Variants in LRP1B observed in about 807,000 individuals in gnomAD.
The protein encoded by LRP1B is low-density lipoprotein receptor-related protein 1B.
LRP1B carries 217 observed loss-of-function variants against 556.6 expected under a neutral mutation model. The observed-to-expected ratio is 0.39, with a 90% confidence interval of 0.35 to 0.44. LRP1B has a LOEUF of 0.44. Among genes scored for constraint, LRP1B ranks in the 20% least tolerant of loss-of-function variants. The pLI is 1.00. For synonymous variants in LRP1B, 2,047 were observed against 1,865.8 expected, an observed-to-expected ratio of 1.10 and a Z score of -2.50; for missense variants, 5,053 against 5,620.8, an observed-to-expected ratio of 0.90 and a Z score of 3.23.
intron 47 of LRP1B, among the ~76,000 whole-genome samples, chr2:140,528,035 T>C (rs1490775953): frequency 1.3e-5 from 2 of 151,870 alleles, no homozygotes; most frequent in South Asian, 2.1e-4. Flanking sequence ...AAGATACTAA[T>C]AGGGACACTT....
chr2:140,969,534 A>G (rs1696342774), intron 18 of LRP1B, among the ~76,000 whole-genome samples: 1 of 152,086 alleles, frequency 6.6e-6, no homozygotes, highest in South Asian at 2.1e-4. Flanking sequence ...TTTAAGGTTA[A>G]TATTGTTATG....
At chr2:141,910,591 A>G (rs754903480) in intron 1 of LRP1B, among the ~76,000 whole-genome samples, 2 of 152,064 alleles carry the variant, frequency 1.3e-5, no homozygotes, top group Admixed American at 6.6e-5. Context: ...AAAAAACAAC[A>G]CTGGAATTGC....
chr2:141,563,077 C>A (rs531321258), intron 2 of LRP1B, among the ~76,000 whole-genome samples: 4 of 151,966 alleles, frequency 2.6e-5, no homozygotes, highest in African/African-American at 7.2e-5. Flanking sequence ...TGGAGAGAAG[C>A]TAAAGATGGT....
At chr2:140,362,454 G>A (rs1207275373) in intron 72 of LRP1B, among the ~76,000 whole-genome samples, 3 of 151,576 alleles carry the variant, frequency 2.0e-5, no homozygotes, top group Non-Finnish European at 4.4e-5. Context: ...TTTATATGTT[G>A]AAAATATTTT....
At chr2:141,399,072 A>C (rs1392209910) in intron 3 of LRP1B, among the ~76,000 whole-genome samples, 1 of 152,124 alleles carries the variant, frequency 6.6e-6, no homozygotes, top group Non-Finnish European at 1.5e-5. Flanking sequence ...TCTGTCCAAC[A>C]TGGTGAAACC....
intron 1 of LRP1B, among the ~76,000 whole-genome samples, chr2:141,877,072 T>G (rs1698789747): frequency 6.6e-6 from 1 of 152,026 alleles, no homozygotes; most frequent in Admixed American, 6.6e-5. Flanking sequence ...TTAGTATTAT[T>G]TAATGTTGCA....
intron 1 of LRP1B, among the ~76,000 whole-genome samples, chr2:141,865,346 A>T (rs1399966303): frequency 6.6e-6 from 1 of 152,066 alleles, no homozygotes; most frequent in South Asian, 2.1e-4. Context: ...TAATCCCAGC[A>T]CTTTGGGAGG....
chr2:141,156,591 G>A (rs971449860), intron 7 of LRP1B, among the ~76,000 whole-genome samples: 7 of 150,766 alleles, frequency 4.6e-5, no homozygotes, highest in Middle Eastern at 3.4e-3. Context: ...TCACATCATT[G>A]CACTCCATCC....
At chr2:140,881,690 C>T (rs28515910) in intron 25 of LRP1B, among the ~76,000 whole-genome samples, 2,125 of 152,090 alleles carry the variant, frequency 0.014, 24 homozygotes, top group Middle Eastern at 0.034. Flanking sequence ...CTTAATTAGC[C>T]TCACTGTTTC....
Position 141,751,930 on chromosome 2 carries a change from A to T in LRP1B, c.205+58349T>A, listed in dbSNP as rs182772524. The stretch of plus-strand genomic sequence containing the variant: ...TTGTTTCAAATTAACTTTTATATTT[A>T]GAACATGGTCATCTCTGTTCCAACA... On this transcript the variant is annotated intron_variant, in intron 2 of 90. Transcript: ENST00000389484. Among the ~76,000 whole-genome samples, 58 of 151,362 alleles carry T rather than the reference A, an allele frequency of 3.8e-4. 1 individual carries two copies. Among genetic ancestry groups the T allele is most frequent in the Middle Eastern group, 3.4e-3 (1 of 294 alleles).
chr2:141,166,359 C>A (rs1423142878), intron 7 of LRP1B, among the ~76,000 whole-genome samples: 1 of 142,836 alleles, frequency 7.0e-6, no homozygotes, highest in African/African-American at 2.5e-5. Flanking sequence ...AACATCTTCT[C>A]TCTCATTCTT....
intron 7 of LRP1B, among the ~76,000 whole-genome samples, chr2:141,114,061 GGA>G (rs1263421770): frequency 6.6e-6 from 1 of 152,216 alleles, no homozygotes; most frequent in Non-Finnish European, 1.5e-5. Flanking sequence ...TGGTGAAGCA[GGA>G]GAATTCACTG....
intron 23 of LRP1B, among the ~76,000 whole-genome samples, chr2:140,889,835 T>C (rs1287247049): frequency 6.6e-6 from 1 of 152,218 alleles, no homozygotes; most frequent in African/African-American, 2.4e-5. Context: ...TGGTAGTTTG[T>C]ATTTCTACAA....
At chr2:141,090,124 A>G (rs1323297094) in intron 7 of LRP1B, among the ~76,000 whole-genome samples, 1 of 152,222 alleles carries the variant, frequency 6.6e-6, no homozygotes, top group Admixed American at 6.5e-5. Context: ...ATGTTGGCCA[A>G]GAACCCAACA....
chr2:141,004,529 G>T (rs181909674), intron 15 of LRP1B, among the ~76,000 whole-genome samples: 1 of 152,088 alleles, frequency 6.6e-6, no homozygotes, highest in African/African-American at 2.4e-5. Context: ...GGACTCTCAT[G>T]GATTTCCAGC....
intron 3 of LRP1B, among the ~76,000 whole-genome samples, chr2:141,430,524 T>C (rs1680524474): frequency 6.6e-6 from 1 of 152,174 alleles, no homozygotes; most frequent in South Asian, 2.1e-4. Context: ...ACAAAATGAC[T>C]GACATACATG....
chr2:140,870,556 A>G (rs1473126069), intron 25 of LRP1B, among the ~76,000 whole-genome samples: 2 of 152,132 alleles, frequency 1.3e-5, no homozygotes, highest in Admixed American at 6.6e-5. Context: ...AGGACACTTG[A>G]ACCTTCAGAG....
chr2:141,552,738 A>G (rs73965705), intron 2 of LRP1B, among the ~76,000 whole-genome samples: 3,747 of 152,030 alleles, frequency 0.025, 141 homozygotes, highest in African/African-American at 0.086. Flanking sequence ...TGGGATTATG[A>G]AGAAAATGTG....
chr2:141,786,942 T>G (rs547545948), intron 2 of LRP1B, among the ~76,000 whole-genome samples: 1 of 151,980 alleles, frequency 6.6e-6, no homozygotes. Flanking sequence ...GTGAATTATA[T>G]TGAGTGATTT....
Sources: gnomAD v4.1 joint callset for allele counts (sites outside exome capture counted in the v4.1 genomes callset) on GRCh38, gnomAD v4.1.1 for gene constraint, MANE v1.5 for transcripts, NCBI Gene and HGNC (gene_info 2026-07-23, HGNC 2026-07-21) for gene names.